Variants in TCTN1 observed in about 807,000 individuals in gnomAD.
TCTN1 encodes the protein tectonic family member 1.
TCTN1 carries 58 observed loss-of-function variants against 65.8 expected under a neutral mutation model. The ratio of observed to expected loss-of-function variants is 0.88; its 90% CI spans 0.71 to 1.10. The LOEUF (loss-of-function observed/expected upper bound fraction) is 1.10. Among genes scored for constraint, TCTN1 ranks in the 50% least tolerant of loss-of-function variants. TCTN1 has a pLI of 0.00. For missense variants in TCTN1, 645 were observed against 719.4 expected, an observed-to-expected ratio of 0.90 and a Z score of 1.18; for synonymous variants, 273 against 289.1, an observed-to-expected ratio of 0.94 and a Z score of 0.57.
chr12:110,633,618 CA>C (rs773475381), intron 5 of TCTN1, among the ~76,000 whole-genome samples: 1 of 148,610 alleles, frequency 6.7e-6, no homozygotes, highest in East Asian at 2.0e-4. Context: ...TCCTGGGTGA[CA>C]GAACAAGACC....
chr12:110,644,755 T>C lies in TCTN1; in HGVS notation c.1332-212T>C. 9.6e-6 allele frequency: 6 copies of C among 623,308 alleles called. No homozygotes were observed. The South Asian group carries it at 1.1e-4, about 12-fold the overall frequency. The allele number at this position is 623,308 out of a possible 1,614,324, so 38.6% of individuals were successfully genotyped here. ...TGGGCTGGGTGTGGTGGCTCACTCC[T>C]GTAGTCCCAGCACTCTGGGAGGATT... On this transcript the variant is annotated intron_variant, in intron 11 of 14. Transcript: ENST00000397659. This position sits in a 1 kb window ranked among gnomAD's most constrained non-coding sequence, Gnocchi z 4.6.
Position 110,639,005 on chromosome 12 carries a change from G to A in TCTN1, c.844-1378G>A, listed in dbSNP as rs569375266. Reference sequence around the variant, plus strand: ...GCTCACGTCTTTGTTACTGAGTCATGTCACTTTCTTCTATGAGAGGTTTTG... The same window carrying A: ...GCTCACGTCTTTGTTACTGAGTCATATCACTTTCTTCTATGAGAGGTTTTG... On this transcript the variant is annotated intron_variant, in intron 7 of 14. Coordinates refer to ENST00000397659, the MANE Select transcript of TCTN1 (RefSeq NM_001082538.3). This position sits in a 1 kb window ranked among gnomAD's most constrained non-coding sequence, Gnocchi z 4.9. 3.0e-4 allele frequency among the ~76,000 whole-genome samples: 46 copies of A among 152,334 alleles called. 1 individual carries two copies. The highest frequency in any genetic ancestry group is 1.0e-3 in the African/African-American group (42 of 41,584).
In TCTN1 at chr12:110,618,314, C is replaced by T. The variant is rs986143799; in HGVS notation, c.221-1522C>T. ...GGAATGCAGTGACGCGATCTCGGCT[C>T]ACTGCAAACCCCGCCTCCTGGGTTC... is the stretch of plus-strand genomic sequence containing the variant. On this transcript the variant is annotated intron_variant, in intron 1 of 14. Transcript: ENST00000397659. Among the ~76,000 whole-genome samples the T allele has an allele frequency of 2.0e-5, 3 of 152,014 alleles. No homozygotes were observed. In the East Asian group the frequency reaches 5.8e-4, roughly 29 times the overall value.
intron 13 of TCTN1, 175 bp from the exon 14 acceptor site, chr12:110,647,574 G>A (rs1012724528): frequency 1.9e-6 from 2 of 1,075,436 alleles, no homozygotes; most frequent in African/African-American, 3.2e-5. Context: ...GTGTTAATCA[G>A]ACACCCTGGT....
In TCTN1 at chr12:110,647,337, G is replaced by A. The variant is rs760922371; in HGVS notation, c.1635+1G>A. 5.0e-6 allele frequency: 8 copies of A among 1,614,028 alleles called. No homozygotes were observed. The South Asian group carries it at 5.5e-5, about 11-fold the overall frequency. The stretch of plus-strand genomic sequence containing the variant: ...TCTAATTTCATCCTCCTTTCCTGAG[G>A]TAGGCCTAACCTAGTTTAAAGGCAT... On this transcript the variant is annotated splice_donor_variant, in intron 13 of 14. Coordinates refer to ENST00000397659, the MANE Select transcript of TCTN1 (RefSeq NM_001082538.3). LOFTEE classifies it high-confidence loss of function.
intron 3 of TCTN1, 42 bp from the exon 4 acceptor site, chr12:110,628,725 T>C (rs781570398): frequency 6.7e-7 from 1 of 1,502,808 alleles, no homozygotes; most frequent in Non-Finnish European, 9.1e-7. Flanking sequence ...ATTATACATA[T>C]ATTTTATACC....
intron 2 of TCTN1, among the ~76,000 whole-genome samples, chr12:110,622,807 C>G (rs754399561): frequency 6.6e-6 from 1 of 152,168 alleles, no homozygotes; most frequent in African/African-American, 2.4e-5. Flanking sequence ...ATCAGATTCC[C>G]ATCTTATGTA....
At chr12:110,648,561 G>T (rs2067559745) in intron 14 of TCTN1, 1 of 156,996 alleles carries the variant, frequency 6.4e-6, no homozygotes, top group Admixed American at 6.5e-5. Context: ...TCCTTTTTGG[G>T]TCCGGTTGAA....
Position 110,641,054 on chromosome 12 carries a change from G to T in TCTN1, c.1009G>T (p.Gly337Cys). 1 of 1,614,238 alleles carries T rather than the reference G, an allele frequency of 6.2e-7. No individual in the cohort carries two copies. Among genetic ancestry groups the T allele is most frequent in the East Asian group, 2.2e-5 (1 of 44,888 alleles). ...VKYSLTYTDA[G>C]EVTKADLSFV... ...GTACAGCCTCACATACACAGATGCA[G>T]GTGAAGTCACCAAAGCTGATCTCTC... The change falls in exon 9 of 15, where the codon GGT becomes TGT. Residue 337 changes from glycine to cysteine, a missense_variant. Transcript: ENST00000397659.
At chr12:110,628,139 C>G in intron 3 of TCTN1, 2 of 1,536,002 alleles carry the variant, frequency 1.3e-6, no homozygotes, top group Non-Finnish European at 1.7e-6. Context: ...GAGAGCTTCT[C>G]CTTACAGGTT....
intron 4 of TCTN1, 41 bp downstream of exon 4, chr12:110,628,959 A>T: frequency 1.2e-6 from 2 of 1,610,354 alleles, no homozygotes; most frequent in South Asian, 2.2e-5. Flanking sequence ...CCCATCACAA[A>T]TATCTTTCCT....
chr12:110,617,731 C>T (rs996340184), intron 1 of TCTN1, among the ~76,000 whole-genome samples: 1 of 150,970 alleles, frequency 6.6e-6, no homozygotes, highest in Admixed American at 6.6e-5. Flanking sequence ...AACTCTGCCT[C>T]CTGGGTTCAG....
At chr12:110,615,584 G>A (rs1466449717) in intron 1 of TCTN1, among the ~76,000 whole-genome samples, 1 of 152,086 alleles carries the variant, frequency 6.6e-6, no homozygotes, top group Admixed American at 6.6e-5. Context: ...GGGCTCAAGG[G>A]ATCCTTCTGC....
At chr12:110,620,636 G>A (rs1442601218) in intron 2 of TCTN1, among the ~76,000 whole-genome samples, 1 of 152,086 alleles carries the variant, frequency 6.6e-6, no homozygotes, top group Non-Finnish European at 1.5e-5. Flanking sequence ...TGTGGACATA[G>A]TATTTGTAAC....
At chr12:110,646,473 G>C (rs2067308431) in intron 12 of TCTN1, 1 of 152,428 alleles carries the variant, frequency 6.6e-6, no homozygotes, top group South Asian at 2.1e-4. Flanking sequence ...TACCCAGCCT[G>C]CAGCTTCAAC....
Position 110,640,273 on chromosome 12 carries a change from T to A in TCTN1, c.844-110T>A, listed in dbSNP as rs868388592. 7.8e-7 allele frequency: 1 copy of A among 1,286,510 alleles called. No homozygotes were observed. Among genetic ancestry groups the A allele is most frequent in the East Asian group, 2.3e-5 (1 of 42,912 alleles). The allele number at this position is 1,286,510 out of a possible 1,614,324, so 79.7% of individuals were successfully genotyped here. Reference sequence around the variant, plus strand: ...TATATACACTGTTGTGTAGCATGCTTCCCCCTACTTGGCCATATATCAGGG... The same window carrying A: ...TATATACACTGTTGTGTAGCATGCTACCCCCTACTTGGCCATATATCAGGG... On this transcript the variant is annotated intron_variant, in intron 7 of 14. Transcript: ENST00000397659. This position sits in a 1 kb window ranked among gnomAD's most constrained non-coding sequence, Gnocchi z 4.9.
At chr12:110,634,929 A>C in intron 6 of TCTN1, 150 bp downstream of exon 6, 1 of 589,650 alleles carries the variant, frequency 1.7e-6, no homozygotes, top group Non-Finnish European at 3.0e-6. Context: ...TGATTATTGA[A>C]ATAATCCTTT....
intron 3 of TCTN1, among the ~76,000 whole-genome samples, chr12:110,628,413 T>C (rs1565975772): frequency 6.6e-6 from 1 of 151,216 alleles, no homozygotes; most frequent in Non-Finnish European, 1.5e-5. Flanking sequence ...CTATCTCAGC[T>C]CACTGCAACC....
chr12:110,624,794 C>A (rs1188635136), intron 2 of TCTN1, among the ~76,000 whole-genome samples: 4 of 152,098 alleles, frequency 2.6e-5, no homozygotes, highest in Non-Finnish European at 5.9e-5. Flanking sequence ...GTTGGCCAGG[C>A]TGGTCTTGAA....
Sources: gnomAD v4.1 joint callset for allele counts (sites outside exome capture counted in the v4.1 genomes callset) on GRCh38, gnomAD v4.1.1 for gene constraint, Gnocchi (gnomAD v3.1) non-coding constraint, MANE v1.5 for transcripts, NCBI Gene and HGNC (gene_info 2026-07-23, HGNC 2026-07-21) for gene names.